Variants in SARS1 observed in about 807,000 individuals in gnomAD.
SARS1 encodes serine--tRNA ligase, cytoplasmic.
Under a neutral mutation model 63.7 loss-of-function variants are expected in SARS1, and 25 were observed. That is an observed-to-expected ratio of 0.39 (90% CI 0.29 to 0.55). The LOEUF (loss-of-function observed/expected upper bound fraction) is 0.55. Among genes scored for constraint, SARS1 ranks in the 20% least tolerant of loss-of-function variants. SARS1 has a pLI of 0.62. For missense variants in SARS1, 417 were observed against 649.7 expected, an observed-to-expected ratio of 0.64 and a Z score of 3.89; for synonymous variants, 231 against 243.5, an observed-to-expected ratio of 0.95 and a Z score of 0.48.
At chr1:109,219,835 TG>T (rs2101185312) in intron 1 of SARS1, among the ~76,000 whole-genome samples, 1 of 152,342 alleles carries the variant, frequency 6.6e-6, no homozygotes, top group Admixed American at 6.5e-5. Flanking sequence ...TTCAAGATTA[TG>T]TCTGTAAGAT....
intron 1 of SARS1, chr1:109,215,967 G>T (rs1484877314): frequency 1.1e-6 from 1 of 903,244 alleles, no homozygotes; most frequent in Admixed American, 6.2e-5. Context: ...GCCTCCCAAA[G>T]TGCTGGGATT....
chr1:109,228,712 C>T (rs755985753), intron 3 of SARS1, among the ~76,000 whole-genome samples: 12 of 152,252 alleles, frequency 7.9e-5, no homozygotes, highest in Admixed American at 3.3e-4. Context: ...CATATTCTAC[C>T]GTTTGTTACA....
At chr1:109,226,582 T>C (rs1035990305) in intron 2 of SARS1, among the ~76,000 whole-genome samples, 17 of 142,416 alleles carry the variant, frequency 1.2e-4, no homozygotes, top group African/African-American at 3.4e-4. Context: ...CAGCCTCTAA[T>C]ACCTGGGCTC....
At chr1:109,236,364 A>C in intron 8 of SARS1, 27 bp from the exon 9 acceptor site, 1 of 1,574,444 alleles carries the variant, frequency 6.4e-7, no homozygotes, top group Non-Finnish European at 8.7e-7. Context: ...TCCCTCCTTC[A>C]TGAATTCTAG....
At chr1:109,226,677 A>AAAAATATAT (rs1178056468) in intron 2 of SARS1, among the ~76,000 whole-genome samples, 147 of 44,816 alleles carry the variant, frequency 3.3e-3, no homozygotes, top group African/African-American at 4.6e-3. Context: ...AAAAAAAAAA[A>AAAAATATAT]ATATATATAT....
intron 6 of SARS1, among the ~76,000 whole-genome samples, chr1:109,234,131 G>A (rs1177222825): frequency 1.3e-5 from 2 of 151,050 alleles, no homozygotes; most frequent in Non-Finnish European, 2.9e-5. Context: ...CACCCGCCTT[G>A]GCCTCCCAAA....
rs112263335 is a variant in SARS1 at position 109,237,680 on chromosome 1, CT to C, written c.1388-48del. ...TGAATTCTCCCCAGAGGTCTTAGGG[CT>C]TTGACTCACTGAGAAACAACAGGTC... On this transcript the variant is annotated intron_variant, in intron 10 of 10. Transcript: ENST00000234677. This position sits in a 1 kb window ranked among gnomAD's most constrained non-coding sequence, Gnocchi z 4.1. 3.5e-3 allele frequency: 5,614 copies of C among 1,600,858 alleles called. 172 individuals carry two copies. In the African/African-American group the frequency reaches 0.066, roughly 19 times the overall value.
rs544363726 is a variant in SARS1, at chr1:109,224,139, G to T, written c.207+91G>T. 1.4e-4 allele frequency: 136 copies of T among 948,422 alleles called. No individual in the cohort carries two copies. The African/African-American group carries it at 2.0e-3, about 14-fold the overall frequency. 58.8% of individuals were successfully genotyped at this position (948,422 alleles called of 1,614,324 possible). On this transcript the variant is annotated intron_variant, in intron 2 of 10. Coordinates refer to ENST00000234677, the MANE Select transcript of SARS1 (RefSeq NM_006513.4). ...TAATGTTCACAGAAGTTCTAACTCA[G>T]TGTTTAAGTCTACAAGATGTTCAAT...
In SARS1 at chr1:109,213,939, G is replaced by C; in HGVS notation, c.-54G>C. Reference sequence around the variant, plus strand: ...CGGCGCAGTGCGGCGGTCACAGGCTGAGTGCTGCGGCGCGATCCTTGCTTC... The same window carrying C: ...CGGCGCAGTGCGGCGGTCACAGGCTCAGTGCTGCGGCGCGATCCTTGCTTC... On this transcript the variant is annotated 5_prime_UTR_variant, in exon 1 of 11. Transcript: ENST00000234677. The C allele has an allele frequency of 6.5e-7, 1 of 1,549,080 alleles. No individual in the cohort carries two copies. Among genetic ancestry groups the C allele is most frequent in the Non-Finnish European group, 8.7e-7 (1 of 1,144,606 alleles).
chr1:109,236,511 G>T lies in SARS1; in HGVS notation c.1220G>T (p.Arg407Leu). 6.2e-7 allele frequency: 1 copy of T among 1,607,074 alleles called. No individual in the cohort carries two copies. The highest frequency in any genetic ancestry group is 8.5e-7 in the Non-Finnish European group (1 of 1,174,124). ...ACGGATTACCAGGCTCGCCGGCTTC[G>T]AATCCGATATGGGCAAACCAAGAAG... ...NCTDYQARRLRIRYGQTKKMM... is the reference protein window; with the variant it reads ...NCTDYQARRLLIRYGQTKKMM... Residue 407 changes from arginine to leucine, a missense_variant, in exon 9 of 11, where the codon CGA (arginine) becomes CTA (leucine). Physicochemically the swap from Arg to Leu is moderately radical, Grantham distance 102. This residue lies in a region of SARS1 where 359 missense variants were observed against 529.6 expected (regional missense o/e 0.68). Transcript: ENST00000234677.
At chr1:109,231,495 T>C (rs915193933) in intron 5 of SARS1, 136 bp from the exon 6 acceptor site, 5 of 606,528 alleles carry the variant, frequency 8.2e-6, no homozygotes, top group Non-Finnish European at 1.3e-5. Context: ...TGCTGGGATC[T>C]GTGGTCTTTT....
chr1:109,230,173 G>GA (rs373056107), intron 4 of SARS1, among the ~76,000 whole-genome samples: 1,914 of 149,388 alleles, frequency 0.013, 24 homozygotes, highest in African/African-American at 0.029. Flanking sequence ...TGAGAGCCTG[G>GA]AAAAAAAAAA....
At chr1:109,236,363 C>T (rs772529687) in intron 8 of SARS1, 28 bp from the exon 9 acceptor site, 1 of 1,574,052 alleles carries the variant, frequency 6.4e-7, no homozygotes, top group East Asian at 2.3e-5. Context: ...ATCCCTCCTT[C>T]ATGAATTCTA....
At chr1:109,227,095 A>G (rs1655106428) in intron 2 of SARS1, among the ~76,000 whole-genome samples, 1 of 151,130 alleles carries the variant, frequency 6.6e-6, no homozygotes, top group Non-Finnish European at 1.5e-5. Flanking sequence ...CCCAAGTTCA[A>G]GCAAGTCTCC....
At chr1:109,215,487 A>G (rs1654761899) in intron 1 of SARS1, 2 of 984,428 alleles carry the variant, frequency 2.0e-6, no homozygotes, top group Admixed American at 1.2e-4. Flanking sequence ...TTATTCATAC[A>G]GTATATATGT....
intron 1 of SARS1, chr1:109,216,976 TATC>T (rs1654804764): frequency 1.0e-6 from 1 of 985,440 alleles, no homozygotes; most frequent in Non-Finnish European, 1.2e-6. Context: ...AACAGGTCCT[TATC>T]ATTGTTTGCC....
At chr1:109,217,365 G>A (rs983063816) in intron 1 of SARS1, among the ~76,000 whole-genome samples, 19 of 151,976 alleles carry the variant, frequency 1.3e-4, no homozygotes, top group African/African-American at 4.4e-4. Context: ...ATAATAAAGT[G>A]TGAATATCTC....
upstream of SARS1, chr1:109,213,905 T>TC: frequency 6.9e-7 from 1 of 1,454,668 alleles, no homozygotes; most frequent in Non-Finnish European, 9.1e-7. Context: ...GAAGGGCGGG[T>TC]CAGCGCGCCG....
chr1:109,225,495 G>A (rs1655046003), intron 2 of SARS1, among the ~76,000 whole-genome samples: 1 of 152,068 alleles, frequency 6.6e-6, no homozygotes, highest in South Asian at 2.1e-4. Flanking sequence ...GGTATTTTTT[G>A]AAGCAAGAAG....
Sources: gnomAD v4.1 joint callset for allele counts (sites outside exome capture counted in the v4.1 genomes callset) on GRCh38, gnomAD v4.1.1 for gene constraint, gnomAD v4.1.1 regional missense constraint, Gnocchi (gnomAD v3.1) non-coding constraint, MANE v1.5 for transcripts, NCBI Gene and HGNC (gene_info 2026-07-23, HGNC 2026-07-21) for gene names.